The following GUF1 variants were observed in gnomAD, a reference collection of about 807,000 sequenced individuals.
The protein encoded by GUF1 is GTP binding elongation factor GUF1, also known as translation factor GUF1, mitochondrial.
Under a neutral mutation model 82.4 loss-of-function variants are expected in GUF1, and 78 were observed. The observed-to-expected ratio is 0.95, with a 90% CI of 0.79 to 1.14. The LOEUF (loss-of-function observed/expected upper bound fraction) is 1.14. GUF1 is among the 50% of genes most tolerant of loss of function. The pLI is 0.00. For synonymous variants in GUF1, 279 were observed against 282.3 expected, an observed-to-expected ratio of 0.99 and a Z score of 0.12; for missense variants, 814 against 798.2, an observed-to-expected ratio of 1.02 and a Z score of -0.24.
At chr4:44,694,606 C>A in intron 14 of GUF1, 93 bp downstream of exon 14, 1 of 760,622 alleles carries the variant, frequency 1.3e-6, no homozygotes, top group Non-Finnish European at 2.2e-6. Flanking sequence ...TAAAAAACTT[C>A]TAAGGTAATT....
At chr4:44,698,435 T>C (rs1021137260) in intron 16 of GUF1, 109 bp from the exon 17 acceptor site, 4 of 766,340 alleles carry the variant, frequency 5.2e-6, no homozygotes, top group Middle Eastern at 3.6e-4. Flanking sequence ...GTCTGCCTTA[T>C]GGATAATAAT....
chr4:44,690,758 A>T lies in GUF1; in HGVS notation c.1377A>T (p.Gln459His), dbSNP rs764719180. ...EKEITIINPA[Q>H]FPDKSKVTEY... ...AAATTACAATTATCAATCCTGCACAATTCCCCGATAAATCAAAAGTAACAG... is the reference window on the plus strand; with the variant it reads ...AAATTACAATTATCAATCCTGCACATTTCCCCGATAAATCAAAAGTAACAG... Residue 459 changes from glutamine (Q) to histidine (H), a missense_variant, in exon 12 of 17, where the codon CAA becomes CAT. Physicochemically the swap from Gln to His is conservative, Grantham distance 24. Coordinates refer to ENST00000281543, the MANE Select transcript of GUF1 (RefSeq NM_021927.3). The T allele has an allele frequency of 3.1e-6, 5 of 1,595,672 alleles. No homozygotes were observed.
rs1715189792 is a variant in GUF1, at chr4:44,688,229, A to G, written c.1078+83A>G. 9 of 1,318,584 alleles carry G rather than the reference A, an allele frequency of 6.8e-6. No homozygotes were observed. The South Asian group carries it at 1.1e-4, about 17-fold the overall frequency. 81.7% of individuals were successfully genotyped at this position (1,318,584 alleles called of 1,614,324 possible). A position where few individuals can be genotyped will look rare whatever the true frequency, so the allele number is the denominator to read the frequency against. On this transcript the variant is annotated intron_variant, in intron 9 of 16. Transcript: ENST00000281543. ...GTCTCAGTGGTTAAGGAAAAAATAC[A>G]CATTCTGGTTATTTTAAATAACCAC...
intron 1 of GUF1, 103 bp from the exon 2 acceptor site, chr4:44,680,338 A>G (rs1714689798): frequency 1.7e-6 from 1 of 582,744 alleles, no homozygotes. Flanking sequence ...TAAATGCTAG[A>G]AATGATATTG....
In GUF1 at chr4:44,678,693, T is replaced by C. The variant is rs886782698; in HGVS notation, c.71T>C (p.Leu24Pro). The change falls in exon 1 of 17, where the codon CTT becomes CCT. Residue 24 changes from leucine (L) to proline (P), a missense_variant. By Grantham distance (98) the Leu-to-Pro change is moderately conservative. Transcript: ENST00000281543. The part of the protein sequence containing the change: ...ALAPRATGAA[L>P]LVAPGPRSAP... ...GCGCCACGAGCCACTGGGGCCGCGC[T>C]TCTGGTGGCCCCGGGGCCCCGGTCC... The C allele has an allele frequency of 6.6e-7, 1 of 1,505,340 alleles. No homozygotes were observed. The highest frequency in any genetic ancestry group is 8.8e-7 in the Non-Finnish European group (1 of 1,141,046). The allele number at this position is 1,505,340 out of a possible 1,614,324, so 93.2% of individuals were successfully genotyped here.
At position 44,699,586 on chromosome 4, in the gene GUF1, T is replaced by C. The variant is rs1463371267; in HGVS notation, c.*905T>C. On this transcript the variant is annotated 3_prime_UTR_variant, in exon 17 of 17. Coordinates refer to ENST00000281543, the MANE Select transcript of GUF1 (RefSeq NM_021927.3). ...TTACGGACACTAAAAGGCCCCATAC[T>C]TAAGATTCCATCTACTTTAAGTTTA... The C allele has an allele frequency of 2.0e-5, 3 of 152,246 alleles. No individual in the cohort carries two copies. In the East Asian group the frequency reaches 5.8e-4, roughly 29 times the overall value. 9.4% of individuals were successfully genotyped at this position (152,246 alleles called of 1,614,324 possible).
intron 8 of GUF1, 138 bp from the exon 9 acceptor site, chr4:44,687,869 G>T: frequency 1.5e-6 from 1 of 658,920 alleles, no homozygotes. Context: ...TTTGATAATT[G>T]ATATGTAGCA....
chr4:44,695,217 G>T (rs1257852218), intron 14 of GUF1, among the ~76,000 whole-genome samples: 1 of 152,078 alleles, frequency 6.6e-6, no homozygotes, highest in Non-Finnish European at 1.5e-5. Context: ...TAAAACTTGT[G>T]GAGTAATATT....
chr4:44,680,843 GT>G lies in GUF1; in HGVS notation c.426+2del. ...CCTTTTAAATCTCATTGATACACCGGTAAGTTTAATATTAATTTTGCATGTA... is the reference window on the plus strand; with the variant it reads ...CCTTTTAAATCTCATTGATACACCGGAAGTTTAATATTAATTTTGCATGTA... On this transcript the variant is annotated splice_donor_variant, in intron 3 of 16. Transcript: ENST00000281543. LOFTEE classifies it high-confidence loss of function. 1 of 1,599,994 alleles carries G rather than the reference GT, an allele frequency of 6.3e-7. No individual in the cohort carries two copies. Among genetic ancestry groups the G allele is most frequent in the Non-Finnish European group, 8.5e-7 (1 of 1,172,240 alleles).
intron 14 of GUF1, among the ~76,000 whole-genome samples, chr4:44,695,294 A>C (rs2109666591): frequency 6.6e-6 from 1 of 152,358 alleles, no homozygotes; most frequent in East Asian, 1.9e-4. Flanking sequence ...GATCATACAA[A>C]AAAATGCAAA....
In GUF1 at chr4:44,698,908, G is replaced by A. The variant is rs367801066; in HGVS notation, c.*227G>A. On this transcript the variant is annotated 3_prime_UTR_variant, in exon 17 of 17. Coordinates refer to ENST00000281543, the MANE Select transcript of GUF1 (RefSeq NM_021927.3). ...CTCACTAGTAAGGTGACCGTGGCCAGATTAACCTTTGTTTCCTCTTCAGTA... is the reference window on the plus strand; with the variant it reads ...CTCACTAGTAAGGTGACCGTGGCCAAATTAACCTTTGTTTCCTCTTCAGTA... The A allele has an allele frequency of 3.7e-5, 15 of 403,858 alleles. No individual in the cohort carries two copies. The highest frequency in any genetic ancestry group is 2.7e-4 in the African/African-American group (13 of 47,984). 25.0% of individuals were successfully genotyped at this position (403,858 alleles called of 1,614,324 possible).
Position 44,679,521 on chromosome 4 carries a change from A to G in GUF1, c.165+734A>G, listed in dbSNP as rs151187838. Among the ~76,000 whole-genome samples, 901 of 152,312 alleles carry G rather than the reference A, an allele frequency of 5.9e-3. 7 individuals carry two copies. The highest frequency in any genetic ancestry group is 0.02 in the African/African-American group (839 of 41,568). ...TGGCCCTAATATGCCTGTGTTTTTAAAAATGGATTTATATTGCAATTCGAA... is the reference window on the plus strand; with the variant it reads ...TGGCCCTAATATGCCTGTGTTTTTAGAAATGGATTTATATTGCAATTCGAA... On this transcript the variant is annotated intron_variant, in intron 1 of 16. Transcript: ENST00000281543.
At chr4:44,694,801 TTTTG>T (rs1352429980) in intron 14 of GUF1, among the ~76,000 whole-genome samples, 5 of 149,346 alleles carry the variant, frequency 3.3e-5, no homozygotes, top group South Asian at 2.1e-4. Context: ...GAACAAGTTT[TTTTG>T]TTTTGTTTTG....
Position 44,681,164 on chromosome 4 carries a change from T to C in GUF1, c.468T>C (p.Ser156=). The C allele has an allele frequency of 6.2e-7, 1 of 1,613,322 alleles. No individual in the cohort carries two copies. The highest frequency in any genetic ancestry group is 8.5e-7 in the Non-Finnish European group (1 of 1,179,418). Residue 156 remains serine (S), a synonymous_variant, in exon 4 of 17, where the codon TCT becomes TCC. Transcript: ENST00000281543. The part of the protein sequence containing the change: ...DFSYEVSRSL[S]ACQGVLLVVD... ...GTTATGAAGTATCCAGGTCACTTTC[T>C]GCTTGCCAGGGTGTTTTACTTGTGG...
chr4:44,679,960 A>C (rs1202826076), intron 1 of GUF1, among the ~76,000 whole-genome samples: 1 of 152,146 alleles, frequency 6.6e-6, no homozygotes, highest in Non-Finnish European at 1.5e-5. Flanking sequence ...AGAAGCTGCA[A>C]AGTAGCAAAA....
Position 44,694,467 on chromosome 4 carries a change from C to A in GUF1, c.1669C>A (p.Leu557Ile). Reference sequence around the variant, plus strand: ...TGCAGAACTTGTAAAAATGGATATTCTACTGAATGGAAATACTGTAGAGGA... The same window carrying A: ...TGCAGAACTTGTAAAAATGGATATTATACTGAATGGAAATACTGTAGAGGA... ...QTAELVKMDI[L>I]LNGNTVEELV... Residue 557 changes from leucine (L) to isoleucine (I), a missense_variant, in exon 14 of 17, where the codon CTA becomes ATA. Coordinates refer to ENST00000281543, the MANE Select transcript of GUF1 (RefSeq NM_021927.3). 1 of 1,611,680 alleles carries A rather than the reference C, an allele frequency of 6.2e-7. No homozygotes were observed.
chr4:44,681,187 T>G lies in GUF1; in HGVS notation c.491T>G (p.Val164Gly). The change falls in exon 4 of 17, where the codon GTG (valine) becomes GGG (glycine). Residue 164 changes from valine (V) to glycine (G), a missense_variant. Coordinates refer to ENST00000281543, the MANE Select transcript of GUF1 (RefSeq NM_021927.3). The stretch of plus-strand genomic sequence containing the variant: ...TCTGCTTGCCAGGGTGTTTTACTTG[T>G]GGTTGATGCAAATGAGGTAGGTATT... The part of the protein sequence containing the change: ...SLSACQGVLL[V>G]VDANEGIQAQ... The G allele has an allele frequency of 6.2e-7, 1 of 1,612,110 alleles. No individual in the cohort carries two copies. Among genetic ancestry groups the G allele is most frequent in the South Asian group, 1.1e-5 (1 of 91,044 alleles).
At position 44,688,110 on chromosome 4, in the gene GUF1, C is replaced by T. The variant is rs35318223; in HGVS notation, c.1042C>T (p.Pro348Ser). The T allele has an allele frequency of 2.2e-5, 35 of 1,611,676 alleles. No individual in the cohort carries two copies. In the African/African-American group the frequency reaches 3.1e-4, roughly 14 times the overall value. ...CLHKQPVEPLPGFKSAKPMVF... is the reference protein window; with the variant it reads ...CLHKQPVEPLSGFKSAKPMVF... The stretch of plus-strand genomic sequence containing the variant: ...ACATAAGCAACCAGTGGAGCCCTTG[C>T]CTGGGTTTAAATCAGCGAAACCAAT... Residue 348 changes from proline to serine, a missense_variant, in exon 9 of 17, where the codon CCT (proline) becomes TCT (serine). Physicochemically the swap from Pro to Ser is moderately conservative, Grantham distance 74. Coordinates refer to ENST00000281543, the MANE Select transcript of GUF1 (RefSeq NM_021927.3).
At chr4:44,689,009 GTTTT>G (rs33967370) in intron 9 of GUF1, among the ~76,000 whole-genome samples, 1 of 148,262 alleles carries the variant, frequency 6.7e-6, no homozygotes, top group African/African-American at 2.5e-5. Context: ...TAATTCCCAT[GTTTT>G]TTTTTTTCTT....
Sources: allele counts gnomAD v4.1 joint callset (sites outside exome capture counted in the v4.1 genomes callset), GRCh38; gene constraint gnomAD v4.1.1; transcripts MANE v1.5; gene names NCBI Gene and HGNC (gene_info 2026-07-23, HGNC 2026-07-21).